AMPH: variants seen among roughly 807,000 people sequenced by gnomAD.
AMPH encodes amphiphysin.
A neutral mutation model predicts 99.1 loss-of-function variants in AMPH; 49 were observed. The observed-to-expected ratio is 0.49, with a 90% CI of 0.39 to 0.63. The LOEUF is 0.63. Among genes scored for constraint, AMPH ranks in the 20% least tolerant of loss-of-function variants. AMPH has a pLI of 0.00. For synonymous variants in AMPH, 314 were observed against 317.3 expected (o/e 0.99, Z 0.11); for missense variants, 759 against 863.4 (o/e 0.88, Z 1.52).
At position 38,442,497 on chromosome 7, in the gene AMPH, G is replaced by C. The variant is rs1372556929; in HGVS notation, c.1018-6109C>G. Among the ~76,000 whole-genome samples, 3 of 152,104 alleles carry C rather than the reference G, an allele frequency of 2.0e-5. 1 individual carries two copies. Among genetic ancestry groups the C allele is most frequent in the East Asian group, 3.9e-4 (2 of 5,194 alleles). On this transcript the variant is annotated intron_variant, in intron 11 of 20. Coordinates refer to ENST00000356264, the MANE Select transcript of AMPH (RefSeq NM_001635.4). ...TAAAGTATGGTCTCTGACTACACTG[G>C]AATTAAATTGGAAATTGTTAACAGA...
chr7:38,460,782 A>T (rs1342343546), intron 11 of AMPH, among the ~76,000 whole-genome samples: 2 of 152,166 alleles, frequency 1.3e-5, no homozygotes, highest in East Asian at 3.9e-4. Flanking sequence ...ATAAGCCCCA[A>T]TATTCAATAG....
intron 1 of AMPH, among the ~76,000 whole-genome samples, chr7:38,585,326 C>T (rs1317428331): frequency 1.3e-5 from 2 of 152,152 alleles, no homozygotes; most frequent in East Asian, 1.9e-4. Context: ...AAGAAGGGAA[C>T]AAGTATCCTT....
In AMPH at chr7:38,476,887, C is replaced by A; in HGVS notation, c.479G>T (p.Arg160Met). The A allele has an allele frequency of 6.2e-7, 1 of 1,613,714 alleles. No individual in the cohort carries two copies. The highest frequency in any genetic ancestry group is 8.5e-7 in the Non-Finnish European group (1 of 1,179,772). The change falls in exon 6 of 21, where the codon AGG (arginine) becomes ATG (methionine). Residue 160 changes from arginine (R) to methionine (M), a missense_variant. Around this residue, in one of 2 missense-constraint regions of AMPH, gnomAD observed 205 missense variants for 287.9 expected, o/e 0.71. Transcript: ENST00000356264. ...CTTAGAGATTCGACTCTCATCCTTC[C>A]TCTTGGAGCTCTGCAGAGCTTCCAG... is the stretch of plus-strand genomic sequence containing the variant. Reference protein sequence around the residue: ...HHLEALQSSKRKDESRISKAE... With the variant: ...HHLEALQSSKMKDESRISKAE...
At chr7:38,417,317 A>T (rs1323563025) in intron 17 of AMPH, among the ~76,000 whole-genome samples, 1 of 152,130 alleles carries the variant, frequency 6.6e-6, no homozygotes, top group Non-Finnish European at 1.5e-5. Flanking sequence ...ATTATGAGTC[A>T]TCAGCAGACT....
chr7:38,446,483 TACA>T (rs35450573), intron 11 of AMPH, among the ~76,000 whole-genome samples: 7,037 of 150,428 alleles, frequency 0.047, 179 homozygotes, highest in South Asian at 0.1. Flanking sequence ...TGATATGTGC[TACA>T]ACATTAATGA....
chr7:38,389,436 C>A (rs1784428942), intron 20 of AMPH, among the ~76,000 whole-genome samples: 1 of 152,138 alleles, frequency 6.6e-6, no homozygotes, highest in African/African-American at 2.4e-5. Flanking sequence ...CAGAGGGTTC[C>A]CCAGGTTCTT....
intron 1 of AMPH, among the ~76,000 whole-genome samples, chr7:38,567,543 T>TAA (rs141070295): frequency 6.6e-6 from 1 of 151,976 alleles, no homozygotes; most frequent in Non-Finnish European, 1.5e-5. Context: ...TAATAAAAAT[T>TAA]AAAAAAATAA....
At chr7:38,601,951 A>G (rs1232026236) in intron 1 of AMPH, among the ~76,000 whole-genome samples, 3 of 152,238 alleles carry the variant, frequency 2.0e-5, no homozygotes, top group Admixed American at 6.5e-5. Flanking sequence ...CTCAGATCCC[A>G]AAAGCAAAAC....
chr7:38,429,570 G>A, intron 14 of AMPH: 1 of 1,447,928 alleles, frequency 6.9e-7, no homozygotes, highest in Non-Finnish European at 9.2e-7. Flanking sequence ...ACTTTCTGAA[G>A]AGTCAGTCTT....
intron 11 of AMPH, among the ~76,000 whole-genome samples, chr7:38,460,347 C>T (rs1339722903): frequency 6.6e-6 from 1 of 152,012 alleles, no homozygotes; most frequent in East Asian, 1.9e-4. Flanking sequence ...GGGTACTTAT[C>T]CAAAAGAAAA....
At position 38,407,074 on chromosome 7, in the gene AMPH, ATATGTGTGTGTGTG is replaced by A. The variant is rs1350435449; in HGVS notation, c.1398+10737_1398+10750del. On this transcript the variant is annotated intron_variant, in intron 17 of 20. Transcript: ENST00000356264. ...TATATATATATATATATATATATAT[ATATGTGTGTGTGTG>A]TGTGTGTGTGTGTGTGTGTGTGTGT... Among the ~76,000 whole-genome samples, 71 of 32,256 alleles carry A rather than the reference ATATGTGTGTGTGTG, an allele frequency of 2.2e-3. 1 individual carries two copies. Among genetic ancestry groups the A allele is most frequent in the East Asian group, 2.4e-3 (2 of 850 alleles). The allele number at this position is 32,256 out of a possible 152,430, so 21.2% of individuals were successfully genotyped here.
At chr7:38,454,879 T>C (rs1031458877) in intron 11 of AMPH, among the ~76,000 whole-genome samples, 1 of 152,184 alleles carries the variant, frequency 6.6e-6, no homozygotes, top group Non-Finnish European at 1.5e-5. Context: ...TGGGCAAATA[T>C]GTTTTTGCAA....
At chr7:38,537,358 C>T (rs1029383646) in intron 1 of AMPH, among the ~76,000 whole-genome samples, 4 of 151,994 alleles carry the variant, frequency 2.6e-5, no homozygotes, top group Admixed American at 2.6e-4. Flanking sequence ...GCTATGATGG[C>T]CAGCATATAG....
chr7:38,433,681 T>C (rs10226412), intron 12 of AMPH, among the ~76,000 whole-genome samples: 3,456 of 47,100 alleles, frequency 0.073, 182 homozygotes, highest in Middle Eastern at 0.13. Context: ...GCCGAGATCC[T>C]GCCACTGCAC....
intron 2 of AMPH, among the ~76,000 whole-genome samples, chr7:38,528,373 AT>A (rs557006513): frequency 1.6e-4 from 25 of 152,054 alleles, no homozygotes; most frequent in African/African-American, 5.8e-4. Context: ...GGGTGTGGAG[AT>A]TTTTTTTCAG....
chr7:38,492,868 T>C (rs1241836572), intron 4 of AMPH, among the ~76,000 whole-genome samples: 1 of 152,230 alleles, frequency 6.6e-6, no homozygotes, highest in African/African-American at 2.4e-5. Context: ...TTGTGATGAA[T>C]TTTTAGTTAT....
At chr7:38,474,803 G>A (rs142319500) in intron 7 of AMPH, among the ~76,000 whole-genome samples, 238 of 152,230 alleles carry the variant, frequency 1.6e-3, no homozygotes, top group Non-Finnish European at 2.8e-3. Context: ...GCAGAGTAAC[G>A]TGTAAGTAAG....
chr7:38,467,680 G>GA (rs1787715386), intron 7 of AMPH, among the ~76,000 whole-genome samples: 1 of 134,466 alleles, frequency 7.4e-6, no homozygotes, highest in African/African-American at 2.8e-5. Flanking sequence ...GAAATAAGCA[G>GA]ATTTTATATA....
chr7:38,601,924 C>T (rs973408279), intron 1 of AMPH, among the ~76,000 whole-genome samples: 13 of 152,286 alleles, frequency 8.5e-5, no homozygotes, highest in African/African-American at 2.4e-4. Flanking sequence ...AGAAAACTAC[C>T]GAAGGCCTGT....
Sources: gnomAD v4.1 joint callset for allele counts (sites outside exome capture counted in the v4.1 genomes callset) on GRCh38, gnomAD v4.1.1 for gene constraint, gnomAD v4.1.1 regional missense constraint, MANE v1.5 for transcripts, NCBI Gene and HGNC (gene_info 2026-07-23, HGNC 2026-07-21) for gene names.